The following MAGT1 variants were observed in gnomAD, a reference collection of about 807,000 sequenced individuals.
The protein encoded by MAGT1 is dolichyl-diphosphooligosaccharide--protein glycosyltransferase subunit MAGT1.
In MAGT1, 4 loss-of-function variants were observed where a neutral mutation model predicts 28.4. The ratio of observed to expected loss-of-function variants is 0.14; its 90% confidence interval spans 0.07 to 0.32. MAGT1 has a LOEUF of 0.32. Ranked by LOEUF, MAGT1 falls within the 10% of genes least tolerant of loss-of-function variation. The probability of loss-of-function intolerance (pLI) is 1.00; values close to 1 mark genes in which losing one functional copy is unlikely to be tolerated. For synonymous variants in MAGT1, 89 were observed against 89.7 expected, an observed-to-expected ratio of 0.99 and a Z score of 0.04; for missense variants, 193 against 264.5, an observed-to-expected ratio of 0.73 and a Z score of 1.88.
upstream of MAGT1, chrX:77,895,496 C>G (rs782013082): frequency 8.5e-7 from 1 of 1,172,724 alleles, no homozygotes; most frequent in Non-Finnish European, 1.1e-6. Context: ...CGGCCCCTTG[C>G]CTTTCCTCAT....
At chrX:77,871,484 G>C (rs1312819421) in intron 2 of MAGT1, among the ~76,000 whole-genome samples, 2 of 111,696 alleles carry the variant, frequency 1.8e-5, no homozygotes, top group African/African-American at 6.5e-5. Context: ...GAGGTGGGTG[G>C]ATCACCTGAG....
chrX:77,879,211 C>T (rs782507218), intron 1 of MAGT1, among the ~76,000 whole-genome samples: 2 of 111,131 alleles, frequency 1.8e-5, no homozygotes, highest in African/African-American at 3.3e-5. Flanking sequence ...CACACGCCAC[C>T]ACGCCTGGCT....
chrX:77,839,147 C>CA (rs1384568107), intron 8 of MAGT1, among the ~76,000 whole-genome samples: 2 of 106,328 alleles, frequency 1.9e-5, no homozygotes, highest in African/African-American at 6.8e-5. Flanking sequence ...ACTAAAAATA[C>CA]AAAAAAATTA....
At chrX:77,854,197 C>T (rs896203063) in intron 6 of MAGT1, among the ~76,000 whole-genome samples, 6 of 111,455 alleles carry the variant, frequency 5.4e-5, no homozygotes, top group Admixed American at 1.9e-4. Context: ...ATTTTTGAGA[C>T]AGGGTCTTGC....
At chrX:77,889,922 C>T (rs2077077793) in intron 1 of MAGT1, among the ~76,000 whole-genome samples, 1 of 111,860 alleles carries the variant, frequency 8.9e-6, no homozygotes, top group Non-Finnish European at 1.9e-5. Context: ...CATAAAGAAT[C>T]CCCACCTCCC....
intron 1 of MAGT1, among the ~76,000 whole-genome samples, chrX:77,878,289 C>CAAAAAA (rs1205547369): frequency 8.0e-4 from 12 of 15,052 alleles, no homozygotes; most frequent in Admixed American, 1.0e-3. Context: ...AACTCTGATG[C>CAAAAAA]AAAAAAAAAA....
At chrX:77,895,260 A>C (rs1419144128) in intron 1 of MAGT1, 49 bp downstream of exon 1, 2 of 1,178,861 alleles carry the variant, frequency 1.7e-6, no homozygotes, top group Non-Finnish European at 2.3e-6. Flanking sequence ...GACCCTCTTA[A>C]GCCCCAGTCA....
intron 3 of MAGT1, among the ~76,000 whole-genome samples, chrX:77,870,435 G>C (rs1249669505): frequency 2.7e-5 from 3 of 109,906 alleles, no homozygotes; most frequent in African/African-American, 9.9e-5. Flanking sequence ...AGAGGTAAGG[G>C]GATAAAGATA....
At chrX:77,859,965 A>C (rs2076990592) in intron 3 of MAGT1, among the ~76,000 whole-genome samples, 1 of 112,146 alleles carries the variant, frequency 8.9e-6, no homozygotes, top group African/African-American at 3.2e-5. Context: ...ATTTCCCTAC[A>C]TCCTTGCCAA....
intron 1 of MAGT1, among the ~76,000 whole-genome samples, chrX:77,892,552 T>C (rs1219211828): frequency 1.8e-5 from 2 of 111,387 alleles, no homozygotes; most frequent in African/African-American, 3.3e-5. Flanking sequence ...ATCCCAGCAC[T>C]TTGGGAGGCC....
chrX:77,894,686 C>T (rs1467606593), intron 1 of MAGT1, among the ~76,000 whole-genome samples: 1 of 111,961 alleles, frequency 8.9e-6, no homozygotes, highest in Non-Finnish European at 1.9e-5. Context: ...ACTGTATCTC[C>T]TCCACTTCCT....
chrX:77,870,399 T>A (rs912557229), intron 3 of MAGT1, among the ~76,000 whole-genome samples: 4 of 110,292 alleles, frequency 3.6e-5, no homozygotes, highest in Non-Finnish European at 7.6e-5. Context: ...CCAAAACTAT[T>A]GAAATAAAAA....
intron 5 of MAGT1, chrX:77,856,454 G>T (rs892503947): frequency 2.2e-5 from 5 of 222,311 alleles, no homozygotes; most frequent in South Asian, 1.9e-4. Context: ...AAAAAAAAAA[G>T]AATAATATTT....
intron 3 of MAGT1, among the ~76,000 whole-genome samples, chrX:77,860,938 G>C (rs2076993133): frequency 9.0e-6 from 1 of 111,663 alleles, no homozygotes; most frequent in Non-Finnish European, 1.9e-5. Context: ...CACGTTGGGA[G>C]GCCAAGGCAG....
chrX:77,871,749 A>G (rs964189522), intron 2 of MAGT1, among the ~76,000 whole-genome samples: 5 of 110,084 alleles, frequency 4.5e-5, no homozygotes, highest in African/African-American at 1.7e-4. Context: ...GGCTGAGGCA[A>G]GAGAATGGCT....
intron 1 of MAGT1, among the ~76,000 whole-genome samples, chrX:77,888,798 T>C (rs1281114525): frequency 9.0e-6 from 1 of 111,150 alleles, no homozygotes; most frequent in African/African-American, 3.3e-5. Flanking sequence ...ATTCTGTGGG[T>C]ACACAGTAGG....
At chrX:77,881,517 A>T (rs782802458) in intron 1 of MAGT1, among the ~76,000 whole-genome samples, 13 of 103,730 alleles carry the variant, frequency 1.3e-4, no homozygotes, top group South Asian at 4.4e-4. Flanking sequence ...ATGCGGTGTT[A>T]GGTTTTTTGT....
chrX:77,827,356 C>T lies in MAGT1; in HGVS notation c.*1864G>A, dbSNP rs1244992934. 9.0e-6 allele frequency: 1 copy of T among 111,005 alleles called. No homozygotes were observed. The highest frequency in any genetic ancestry group is 1.9e-5 in the Non-Finnish European group (1 of 53,036). The allele number at this position is 111,005 out of a possible 1,213,427, so 9.1% of individuals were successfully genotyped here. On this transcript the variant is annotated 3_prime_UTR_variant, in exon 10 of 10. Coordinates refer to ENST00000618282, the MANE Select transcript of MAGT1 (RefSeq NM_001367916.1). ...TAACAGCAAAACATAGAACAGCTTT[C>T]GAGAAACGCTTAATTTCTATATACA...
intron 7 of MAGT1, among the ~76,000 whole-genome samples, chrX:77,852,896 C>A (rs1188967032): frequency 8.9e-6 from 1 of 112,007 alleles, no homozygotes; most frequent in Non-Finnish European, 1.9e-5. Flanking sequence ...CCATGCCCAG[C>A]TGATTCTTGT....
Sources: allele counts gnomAD v4.1 joint callset (sites outside exome capture counted in the v4.1 genomes callset), GRCh38; gene constraint gnomAD v4.1.1; transcripts MANE v1.5; gene names NCBI Gene and HGNC (gene_info 2026-07-23, HGNC 2026-07-21).